PDE1C: variants seen among roughly 807,000 people sequenced by gnomAD.
PDE1C encodes the protein phosphodiesterase 1C, also known as dual specificity calcium/calmodulin-dependent 3',5'-cyclic nucleotide phosphodiesterase 1C.
A neutral mutation model predicts 93.1 loss-of-function variants in PDE1C; 62 were observed. The ratio of observed to expected loss-of-function variants is 0.67; its 90% CI spans 0.54 to 0.82. PDE1C has a LOEUF of 0.82. Among genes scored for constraint, PDE1C ranks in the 40% least tolerant of loss-of-function variants. The pLI, the probability that PDE1C is intolerant of heterozygous loss-of-function variation, is 0.00. For synonymous variants in PDE1C, 325 were observed against 310.1 expected (o/e 1.05, Z -0.50); for missense variants, 742 against 884.6 (o/e 0.84, Z 2.04).
At chr7:32,042,914 T>C (rs1442678429) in intron 2 of PDE1C, among the ~76,000 whole-genome samples, 2 of 152,224 alleles carry the variant, frequency 1.3e-5, no homozygotes, top group Non-Finnish European at 2.9e-5. Flanking sequence ...CGTTCTCAGA[T>C]TGAATCTCAT....
chr7:32,293,454 G>A (rs986185448), intron 1 of PDE1C, among the ~76,000 whole-genome samples: 18 of 152,254 alleles, frequency 1.2e-4, no homozygotes, highest in Admixed American at 1.0e-3. Context: ...GGCATACACC[G>A]GTTTTAACCA....
chr7:32,388,000 G>T (rs535622867), intron 1 of PDE1C, among the ~76,000 whole-genome samples: 1 of 152,150 alleles, frequency 6.6e-6, no homozygotes, highest in Non-Finnish European at 1.5e-5. Context: ...AATGACCATC[G>T]TATATTAATG....
intron 1 of PDE1C, among the ~76,000 whole-genome samples, chr7:32,413,337 T>C (rs2128098316): frequency 6.6e-6 from 1 of 152,350 alleles, no homozygotes; most frequent in South Asian, 2.1e-4. Context: ...GTGTTTACTA[T>C]AAAATTCTTT....
chr7:31,630,669 T>C, the PDE1C span, among the ~76,000 whole-genome samples: 1 of 151,996 alleles, frequency 6.6e-6, no homozygotes. Flanking sequence ...TTACAAACAA[T>C]AAGACTAAAT....
the PDE1C span, among the ~76,000 whole-genome samples, chr7:31,699,484 G>T: frequency 6.6e-6 from 1 of 152,162 alleles, no homozygotes; most frequent in Non-Finnish European, 1.5e-5. Flanking sequence ...AAGAATAATA[G>T]ACAACAGTCA....
At chr7:31,948,761 A>G (rs539805174) in intron 2 of PDE1C, among the ~76,000 whole-genome samples, 4 of 152,256 alleles carry the variant, frequency 2.6e-5, no homozygotes, top group African/African-American at 4.8e-5. Context: ...CCCATTATCA[A>G]GATGACAGAT....
At chr7:31,790,107 T>TG in intron 16 of PDE1C, 1 of 1,526,914 alleles carries the variant, frequency 6.5e-7, no homozygotes, top group Non-Finnish European at 8.8e-7. Flanking sequence ...GGTCAGGGGG[T>TG]GGGGGGCTTG....
intron 1 of PDE1C, among the ~76,000 whole-genome samples, chr7:32,249,887 T>C (rs1402192511): frequency 6.6e-6 from 1 of 152,174 alleles, no homozygotes. Context: ...CTTAATTCAA[T>C]TGTATAGTCC....
chr7:32,269,252 CA>C (rs557765400), intron 1 of PDE1C, among the ~76,000 whole-genome samples: 309 of 148,060 alleles, frequency 2.1e-3, no homozygotes, highest in African/African-American at 6.8e-3. Context: ...GATTCTGAGC[CA>C]GGGGGGGTGA....
chr7:31,702,358 G>A, the PDE1C span, among the ~76,000 whole-genome samples: 2 of 152,248 alleles, frequency 1.3e-5, no homozygotes, highest in East Asian at 1.9e-4. Flanking sequence ...TGGAGAAATG[G>A]TCCAAGGACC....
At chr7:31,777,317 C>T (rs1306738978) in intron 16 of PDE1C, among the ~76,000 whole-genome samples, 2 of 151,828 alleles carry the variant, frequency 1.3e-5, no homozygotes, top group African/African-American at 2.4e-5. Flanking sequence ...CGTTTGATAT[C>T]GTTCCATTTT....
intron 2 of PDE1C, among the ~76,000 whole-genome samples, chr7:31,956,112 T>A (rs539222405): frequency 7.9e-6 from 1 of 127,062 alleles, no homozygotes; most frequent in South Asian, 2.1e-4. Flanking sequence ...TTCTCCCCGC[T>A]TTTTTTTTTG....
chr7:31,736,361 C>G, the PDE1C span, among the ~76,000 whole-genome samples: 1 of 152,208 alleles, frequency 6.6e-6, no homozygotes, highest in Non-Finnish European at 1.5e-5. Context: ...GACAAGGACA[C>G]ATTCTTCCCT....
intron 1 of PDE1C, among the ~76,000 whole-genome samples, chr7:32,387,816 A>C (rs373660679): frequency 2.1e-3 from 205 of 96,792 alleles, no homozygotes; most frequent in African/African-American, 7.4e-3. Context: ...GCTGACCCCC[A>C]CCACCTCCCT....
intron 1 of PDE1C, among the ~76,000 whole-genome samples, chr7:32,285,594 AAAATGGGT>A (rs764285246): frequency 2.6e-5 from 4 of 152,038 alleles, no homozygotes; most frequent in Non-Finnish European, 5.9e-5. Flanking sequence ...TTGTACTCTT[AAAATGGGT>A]AAATTTTATG....
the PDE1C span, chr7:31,642,160 C>G: frequency 1.3e-6 from 2 of 1,547,954 alleles, no homozygotes; most frequent in African/African-American, 1.4e-5. Flanking sequence ...ACCTCAAGAC[C>G]TCTTTCATTC....
chr7:31,654,733 A>G, the PDE1C span, among the ~76,000 whole-genome samples: 1 of 152,174 alleles, frequency 6.6e-6, no homozygotes, highest in African/African-American at 2.4e-5. Context: ...AATAGGAAAA[A>G]CTGCTTGGAA....
the PDE1C span, among the ~76,000 whole-genome samples, chr7:31,702,044 A>G: frequency 1.3e-5 from 2 of 152,146 alleles, no homozygotes; most frequent in South Asian, 2.1e-4. Flanking sequence ...AAAAGGAATC[A>G]TTTTGCCTTT....
the PDE1C span, among the ~76,000 whole-genome samples, chr7:31,617,951 G>C: frequency 6.3e-3 from 954 of 152,312 alleles, 11 homozygotes; most frequent in Middle Eastern, 0.037. Flanking sequence ...AAAATGGTAG[G>C]AAATGCATTT....
Sources: allele counts gnomAD v4.1 joint callset (sites outside exome capture counted in the v4.1 genomes callset), GRCh38; gene constraint gnomAD v4.1.1; transcripts MANE v1.5; gene names NCBI Gene and HGNC (gene_info 2026-07-23, HGNC 2026-07-21).